Variants in GNG2 observed in about 807,000 individuals in gnomAD.
GNG2 encodes the protein guanine nucleotide-binding protein G(I)/G(S)/G(O) subunit gamma-2.
A neutral mutation model predicts 5.5 loss-of-function variants in GNG2; 5 were observed. That is an observed-to-expected ratio of 0.91 (90% CI 0.48 to 1.92). The LOEUF (loss-of-function observed/expected upper bound fraction) is 1.92, where lower values mean the gene tolerates loss of function less well. GNG2 is among the 30% of genes most tolerant of loss of function. The probability of loss-of-function intolerance (pLI) is 0.01; values close to 1 mark genes in which losing one functional copy is unlikely to be tolerated. For synonymous variants in GNG2, 28 were observed against 32.0 expected, an observed-to-expected ratio of 0.88 and a Z score of 0.42; for missense variants, 55 against 88.4, an observed-to-expected ratio of 0.62 and a Z score of 1.52.
chr14:51,910,894 A>G (rs1305331466), intron 2 of GNG2, among the ~76,000 whole-genome samples: 1 of 152,274 alleles, frequency 6.6e-6, no homozygotes, highest in African/African-American at 2.4e-5. Flanking sequence ...CTTAATTGAC[A>G]TAATATGGGT....
intron 2 of GNG2, among the ~76,000 whole-genome samples, chr14:51,897,856 G>A (rs986640454): frequency 6.6e-6 from 1 of 152,192 alleles, no homozygotes; most frequent in African/African-American, 2.4e-5. Context: ...ATGTTTTACA[G>A]CAAGTTAGTG....
chr14:51,902,957 G>T (rs1885663530), intron 2 of GNG2, among the ~76,000 whole-genome samples: 1 of 152,076 alleles, frequency 6.6e-6, no homozygotes. Flanking sequence ...GAACTATTGT[G>T]GAAACAGGAA....
At chr14:51,933,406 G>A (rs1887777053) in intron 2 of GNG2, among the ~76,000 whole-genome samples, 1 of 152,168 alleles carries the variant, frequency 6.6e-6, no homozygotes, top group East Asian at 1.9e-4. Flanking sequence ...GCAACGATAG[G>A]CAACTCTTTC....
chr14:51,886,505 T>C (rs747714034), intron 2 of GNG2, among the ~76,000 whole-genome samples: 52 of 152,188 alleles, frequency 3.4e-4, no homozygotes, highest in Non-Finnish European at 1.6e-4. Context: ...TTGGAAACAA[T>C]TGGCATCCTC....
At chr14:51,940,918 T>C (rs1053664045) in intron 2 of GNG2, among the ~76,000 whole-genome samples, 2 of 152,164 alleles carry the variant, frequency 1.3e-5, no homozygotes, top group Non-Finnish European at 1.5e-5. Flanking sequence ...GCAGCCACTA[T>C]TGATAAGTTC....
At chr14:51,838,851 C>T (rs1207853162) in intron 2 of GNG2, among the ~76,000 whole-genome samples, 2 of 152,100 alleles carry the variant, frequency 1.3e-5, no homozygotes, top group Non-Finnish European at 2.9e-5. Context: ...CTGCAGTGAG[C>T]TGTGATTGTG....
chr14:51,926,840 GT>G (rs1184783385), intron 2 of GNG2, among the ~76,000 whole-genome samples: 1 of 152,064 alleles, frequency 6.6e-6, no homozygotes, highest in Non-Finnish European at 1.5e-5. Context: ...ATTTTTCATG[GT>G]TGTGTGACAA....
At chr14:51,845,122 T>A (rs1361083812) in intron 2 of GNG2, among the ~76,000 whole-genome samples, 2 of 152,258 alleles carry the variant, frequency 1.3e-5, no homozygotes, top group Admixed American at 1.3e-4. Flanking sequence ...TTTTTTCTCT[T>A]GGCTCTCTTA....
chr14:51,906,007 G>C (rs1047071972), intron 2 of GNG2, among the ~76,000 whole-genome samples: 3 of 152,184 alleles, frequency 2.0e-5, no homozygotes, highest in African/African-American at 7.2e-5. Flanking sequence ...AGCAGCATGA[G>C]AACAGACTAA....
At chr14:51,842,538 G>A (rs1049343080) in intron 2 of GNG2, among the ~76,000 whole-genome samples, 14 of 152,270 alleles carry the variant, frequency 9.2e-5, no homozygotes, top group African/African-American at 3.1e-4. Flanking sequence ...AGCTTTTCCT[G>A]AGGTCCCACC....
At chr14:51,828,448 AC>A (rs1566637261) in intron 2 of GNG2, among the ~76,000 whole-genome samples, 2 of 152,182 alleles carry the variant, frequency 1.3e-5, no homozygotes, top group Non-Finnish European at 2.9e-5. Context: ...CCTAGCTCTG[AC>A]TGATAAGGGG....
chr14:51,950,846 TA>T, intron 3 of GNG2, 81 bp downstream of exon 3: 2 of 724,474 alleles, frequency 2.8e-6, no homozygotes, highest in South Asian at 4.9e-5. Flanking sequence ...TAGAGAGGGA[TA>T]AAACCAGTAA....
chr14:51,826,943 G>A (rs959798960), intron 1 of GNG2, among the ~76,000 whole-genome samples: 8 of 152,174 alleles, frequency 5.3e-5, no homozygotes, highest in African/African-American at 1.9e-4. Context: ...GCACTTAGGA[G>A]CAATGAGAAG....
At chr14:51,844,664 C>T (rs1245769665) in intron 2 of GNG2, among the ~76,000 whole-genome samples, 5 of 152,126 alleles carry the variant, frequency 3.3e-5, no homozygotes, top group Admixed American at 6.5e-5. Context: ...CCATAGTTTC[C>T]AGCTGACTCC....
chr14:51,862,286 A>G (rs779621842), intron 1 of GNG2, among the ~76,000 whole-genome samples: 2 of 152,200 alleles, frequency 1.3e-5, no homozygotes, highest in Non-Finnish European at 2.9e-5. Context: ...TAGTATTGAA[A>G]CCATGGAACT....
chr14:51,935,148 C>A (rs1288413322), intron 2 of GNG2, among the ~76,000 whole-genome samples: 10 of 152,056 alleles, frequency 6.6e-5, no homozygotes, highest in African/African-American at 2.4e-4. Context: ...CCTCCGCCTC[C>A]CAAGTAGCTG....
At chr14:51,914,834 CACTT>C (rs1886518244) in intron 2 of GNG2, among the ~76,000 whole-genome samples, 3 of 152,132 alleles carry the variant, frequency 2.0e-5, no homozygotes, top group South Asian at 4.1e-4. Flanking sequence ...GAGAGTCACT[CACTT>C]ACGCATAACT....
intron 2 of GNG2, among the ~76,000 whole-genome samples, chr14:51,894,409 G>A (rs1039827251): frequency 4.6e-5 from 7 of 152,046 alleles, no homozygotes; most frequent in African/African-American, 1.7e-4. Context: ...TCCTAATTCA[G>A]ATCTCCAGGG....
intron 2 of GNG2, chr14:51,917,289 C>T (rs905725989): frequency 8.2e-5 from 37 of 452,076 alleles, no homozygotes; most frequent in African/African-American, 1.2e-4. Flanking sequence ...GCCGCTGCCA[C>T]GAAGAGGGAT....
Sources: gnomAD v4.1 joint callset for allele counts (sites outside exome capture counted in the v4.1 genomes callset) on GRCh38, gnomAD v4.1.1 for gene constraint, MANE v1.5 for transcripts, NCBI Gene and HGNC (gene_info 2026-07-23, HGNC 2026-07-21) for gene names.